NEK11: variants seen among roughly 807,000 people sequenced by gnomAD.
The protein encoded by NEK11 is serine/threonine-protein kinase Nek11.
In NEK11, 72 loss-of-function variants were observed where a neutral mutation model predicts 80.7. The ratio of observed to expected loss-of-function variants is 0.89; its 90% confidence interval spans 0.74 to 1.08. The LOEUF is 1.08. Among genes scored for constraint, NEK11 ranks in the 50% least tolerant of loss-of-function variants. NEK11 has a pLI of 0.00. For synonymous variants in NEK11, 251 were observed against 260.7 expected (o/e 0.96, Z 0.36); for missense variants, 764 against 763.6 (o/e 1.00, Z -0.01).
At chr3:131,235,460 A>G (rs533470619) in intron 15 of NEK11, among the ~76,000 whole-genome samples, 83 of 152,274 alleles carry the variant, frequency 5.5e-4, no homozygotes, top group African/African-American at 1.9e-3. Context: ...ATTTATTTTA[A>G]TTTTCTGAAT....
intron 5 of NEK11, 146 bp downstream of exon 5, chr3:131,110,067 T>A (rs2079849276): frequency 3.8e-6 from 3 of 784,020 alleles, no homozygotes; most frequent in Non-Finnish European, 5.8e-6. Flanking sequence ...TGTTTTTCCT[T>A]GAGAAAACTG....
chr3:131,220,575 C>A (rs757176380), intron 14 of NEK11, among the ~76,000 whole-genome samples: 15 of 152,116 alleles, frequency 9.9e-5, no homozygotes, highest in Non-Finnish European at 2.1e-4. Context: ...TAGCCTTGTT[C>A]AGTATTTTCT....
At chr3:131,266,578 A>T (rs1255195891) in intron 16 of NEK11, among the ~76,000 whole-genome samples, 1 of 152,186 alleles carries the variant, frequency 6.6e-6, no homozygotes, top group African/African-American at 2.4e-5. Context: ...ACTGTTTGTT[A>T]TGATTTCCAT....
chr3:131,129,878 A>C (rs941605126), intron 5 of NEK11, among the ~76,000 whole-genome samples: 3 of 151,930 alleles, frequency 2.0e-5, no homozygotes, highest in Non-Finnish European at 4.4e-5. Context: ...TCAGTCCTCC[A>C]ACATTGTTGT....
intron 15 of NEK11, among the ~76,000 whole-genome samples, chr3:131,239,564 T>C (rs1467811884): frequency 6.6e-6 from 1 of 152,174 alleles, no homozygotes; most frequent in Non-Finnish European, 1.5e-5. Context: ...TGTGTTGATA[T>C]GTGCCAAGCC....
chr3:131,027,485 T>G (rs1451271014), intron 1 of NEK11: 1 of 151,960 alleles, frequency 6.6e-6, no homozygotes, highest in East Asian at 1.9e-4. Context: ...TTTCTCTCCT[T>G]TGGGCGGCAG....
At chr3:131,086,339 T>C (rs1169535749) in intron 4 of NEK11, among the ~76,000 whole-genome samples, 1 of 152,234 alleles carries the variant, frequency 6.6e-6, no homozygotes, top group Non-Finnish European at 1.5e-5. Context: ...CTTTACCTAA[T>C]TGTGATTATA....
chr3:131,249,503 C>A (rs961205843), intron 16 of NEK11, among the ~76,000 whole-genome samples: 68 of 152,060 alleles, frequency 4.5e-4, no homozygotes, highest in African/African-American at 1.5e-3. Context: ...AAAACAGACT[C>A]GATTTGGGGG....
At chr3:131,136,961 A>G (rs2085710792) in intron 7 of NEK11, among the ~76,000 whole-genome samples, 1 of 152,238 alleles carries the variant, frequency 6.6e-6, no homozygotes, top group African/African-American at 2.4e-5. Flanking sequence ...GACAGAAAGA[A>G]AACAATATTT....
chr3:131,089,658 C>T (rs1019278334), intron 4 of NEK11, among the ~76,000 whole-genome samples: 6 of 152,076 alleles, frequency 3.9e-5, no homozygotes, highest in African/African-American at 2.4e-5. Context: ...AGGCTGGTCT[C>T]GAACTCCTGA....
chr3:131,033,075 C>T (rs1259801823), intron 3 of NEK11, among the ~76,000 whole-genome samples: 1 of 152,058 alleles, frequency 6.6e-6, no homozygotes, highest in Non-Finnish European at 1.5e-5. Context: ...TCTTTTATAT[C>T]TCTGTGGCTG....
At position 131,170,770 on chromosome 3, in the gene NEK11, A is replaced by G. The variant is rs1560773341; in HGVS notation, c.1285-3A>G. 6.3e-7 allele frequency: 1 copy of G among 1,588,486 alleles called. No homozygotes were observed. Among genetic ancestry groups the G allele is most frequent in the Non-Finnish European group, 8.6e-7 (1 of 1,156,658 alleles). ...TCATGAATTGTTAATTACCTTCCAC[A>G]AGGAATCTGATGAACCAACTTTAGA... On this transcript the variant is annotated splice_polypyrimidine_tract_variant and splice_region_variant and intron_variant, in intron 13 of 17. Coordinates refer to ENST00000383366, the MANE Select transcript of NEK11 (RefSeq NM_024800.5).
chr3:131,340,072 G>A (rs922116079), intron 17 of NEK11, among the ~76,000 whole-genome samples: 1 of 152,228 alleles, frequency 6.6e-6, no homozygotes, highest in Non-Finnish European at 1.5e-5. Flanking sequence ...TTATCAGGCA[G>A]TGTTATTGGA....
chr3:131,334,018 G>T (rs2110134671), intron 17 of NEK11, among the ~76,000 whole-genome samples: 1 of 152,182 alleles, frequency 6.6e-6, no homozygotes, highest in Middle Eastern at 3.4e-3. Context: ...CAATAATAAT[G>T]GGAGACTTTA....
At chr3:131,310,522 G>A (rs1448193798) in intron 17 of NEK11, among the ~76,000 whole-genome samples, 1 of 152,118 alleles carries the variant, frequency 6.6e-6, no homozygotes, top group Non-Finnish European at 1.5e-5. Flanking sequence ...ATCTTCTAAA[G>A]ATTTTTATTT....
At chr3:131,101,187 G>T (rs1254169169) in intron 4 of NEK11, among the ~76,000 whole-genome samples, 1 of 151,838 alleles carries the variant, frequency 6.6e-6, no homozygotes, top group African/African-American at 2.4e-5. Context: ...ACCAACTCTT[G>T]GTGTCACTGA....
intron 7 of NEK11, among the ~76,000 whole-genome samples, chr3:131,141,995 C>T (rs1418934852): frequency 1.3e-5 from 2 of 152,202 alleles, no homozygotes; most frequent in Non-Finnish European, 2.9e-5. Context: ...ATCTCAGGTA[C>T]TTCATATATT....
chr3:131,151,318 T>TA (rs2089596932), intron 7 of NEK11, among the ~76,000 whole-genome samples: 1 of 152,070 alleles, frequency 6.6e-6, no homozygotes, highest in African/African-American at 2.4e-5. Flanking sequence ...CAGTGCTTTG[T>TA]AAAATGTAAA....
intron 17 of NEK11, among the ~76,000 whole-genome samples, chr3:131,281,376 C>T (rs1205124120): frequency 2.0e-5 from 3 of 152,138 alleles, no homozygotes; most frequent in Non-Finnish European, 4.4e-5. Context: ...ATATTATATA[C>T]ATTTTGTCTC....
Sources: gnomAD v4.1 joint callset for allele counts (sites outside exome capture counted in the v4.1 genomes callset) on GRCh38, gnomAD v4.1.1 for gene constraint, MANE v1.5 for transcripts, NCBI Gene and HGNC (gene_info 2026-07-23, HGNC 2026-07-21) for gene names.